Variants in CACNB4 observed in about 807,000 individuals in gnomAD.
CACNB4 encodes the protein voltage-dependent L-type calcium channel subunit beta-4.
In CACNB4, 32 loss-of-function variants were observed where a neutral mutation model predicts 71.2. The ratio of observed to expected loss-of-function variants is 0.45; its 90% CI spans 0.34 to 0.60. The LOEUF (loss-of-function observed/expected upper bound fraction) is 0.60. Among genes scored for constraint, CACNB4 ranks in the 20% least tolerant of loss-of-function variants. The pLI, the probability that CACNB4 is intolerant of heterozygous loss-of-function variation, is 0.01. For synonymous variants in CACNB4, 231 were observed against 236.9 expected, an observed-to-expected ratio of 0.97 and a Z score of 0.23; for missense variants, 464 against 647.9, an observed-to-expected ratio of 0.72 and a Z score of 3.08.
chr2:151,892,040 C>T (rs2099850834), intron 2 of CACNB4, among the ~76,000 whole-genome samples: 1 of 152,146 alleles, frequency 6.6e-6, no homozygotes, highest in Non-Finnish European at 1.5e-5. Context: ...TCAAGCTGCA[C>T]TAATCTAGTT....
intron 2 of CACNB4, among the ~76,000 whole-genome samples, chr2:152,059,988 A>G (rs1406238458): frequency 1.3e-5 from 2 of 152,110 alleles, no homozygotes; most frequent in East Asian, 1.9e-4. Context: ...CTCTCCTGCC[A>G]CCATGTGAAG....
chr2:151,875,861 C>G (rs2099846027), intron 5 of CACNB4, among the ~76,000 whole-genome samples: 1 of 144,982 alleles, frequency 6.9e-6, no homozygotes, highest in Non-Finnish European at 1.5e-5. Flanking sequence ...CCCCCCATCT[C>G]CCTCCCGGAC....
At chr2:152,073,244 C>T (rs1686798454) in intron 2 of CACNB4, among the ~76,000 whole-genome samples, 1 of 152,116 alleles carries the variant, frequency 6.6e-6, no homozygotes, top group Non-Finnish European at 1.5e-5. Flanking sequence ...ACTGAAACAT[C>T]TCAAATCCAG....
At chr2:151,922,126 G>C (rs1448180067) in intron 2 of CACNB4, among the ~76,000 whole-genome samples, 1 of 152,162 alleles carries the variant, frequency 6.6e-6, no homozygotes, top group Non-Finnish European at 1.5e-5. Flanking sequence ...AAGAACCCAA[G>C]TGATTACATA....
intron 2 of CACNB4, among the ~76,000 whole-genome samples, chr2:151,915,394 CAGCGTGTT>C (rs1203902981): frequency 6.6e-6 from 1 of 152,216 alleles, no homozygotes; most frequent in Non-Finnish European, 1.5e-5. Context: ...CCAGGGAGCT[CAGCGTGTT>C]AGGCAGTGCG....
chr2:152,044,929 T>C (rs1378330312), intron 2 of CACNB4, among the ~76,000 whole-genome samples: 1 of 151,996 alleles, frequency 6.6e-6, no homozygotes, highest in African/African-American at 2.4e-5. Context: ...CTAAACTGAA[T>C]TGAAGCAGGG....
rs368443159 is a variant in CACNB4, at chr2:151,946,469, A to G, written c.148-63099T>C. Among the ~76,000 whole-genome samples, 21 of 152,296 alleles carry G rather than the reference A, an allele frequency of 1.4e-4. No individual in the cohort carries two copies. In the South Asian group the frequency reaches 3.5e-3, roughly 26 times the overall value. ...ACCCTAAGGGGCCTCAAAATCCTAC[A>G]TTACTCACTCCACTAAAGGTTGTTA... is the stretch of plus-strand genomic sequence containing the variant. On this transcript the variant is annotated intron_variant, in intron 2 of 13. Transcript: ENST00000539935.
At chr2:151,840,966 T>G (rs1262763516) in intron 13 of CACNB4, among the ~76,000 whole-genome samples, 3 of 152,188 alleles carry the variant, frequency 2.0e-5, no homozygotes, top group African/African-American at 4.8e-5. Context: ...GTTCCCTATC[T>G]CTACCTCTGA....
At chr2:151,945,535 T>C (rs952710752) in intron 2 of CACNB4, among the ~76,000 whole-genome samples, 15 of 151,960 alleles carry the variant, frequency 9.9e-5, no homozygotes, top group African/African-American at 3.6e-4. Flanking sequence ...GCCATAGTCA[T>C]AGCTACTCAG....
chr2:151,922,149 ATAATCCTGTACAATC>A (rs2099859163), intron 2 of CACNB4, among the ~76,000 whole-genome samples: 1 of 152,180 alleles, frequency 6.6e-6, no homozygotes, highest in East Asian at 1.9e-4. Flanking sequence ...ACTCACTGGG[ATAATCCTGTACAATC>A]TCCCCATCTC....
intron 2 of CACNB4, among the ~76,000 whole-genome samples, chr2:152,035,891 A>G (rs1379390452): frequency 6.6e-6 from 1 of 152,206 alleles, no homozygotes; most frequent in East Asian, 1.9e-4. Flanking sequence ...TCACCGCAGC[A>G]TTATTCACAA....
chr2:151,875,342 G>A (rs2099845721), intron 5 of CACNB4, among the ~76,000 whole-genome samples: 1 of 148,662 alleles, frequency 6.7e-6, no homozygotes, highest in African/African-American at 2.5e-5. Context: ...TCCCAAGGCA[G>A]AAGAATTTTT....
chr2:151,973,775 A>G, intron 2 of CACNB4: 1 of 1,586,694 alleles, frequency 6.3e-7, no homozygotes, highest in Non-Finnish European at 8.6e-7. Context: ...CAGAAACCAC[A>G]GCTACAGCTT....
chr2:151,940,107 T>A (rs1036128550), intron 2 of CACNB4, among the ~76,000 whole-genome samples: 1 of 152,208 alleles, frequency 6.6e-6, no homozygotes, highest in Non-Finnish European at 1.5e-5. Flanking sequence ...AACATAAATA[T>A]ATGTGCACAA....
At chr2:152,068,401 C>T (rs1264218255) in intron 2 of CACNB4, among the ~76,000 whole-genome samples, 1 of 152,112 alleles carries the variant, frequency 6.6e-6, no homozygotes, top group Non-Finnish European at 1.5e-5. Context: ...AGTCAGGTCC[C>T]GGCACAGCCC....
At chr2:152,052,351 A>G (rs1260579126) in intron 2 of CACNB4, among the ~76,000 whole-genome samples, 2 of 152,172 alleles carry the variant, frequency 1.3e-5, no homozygotes, top group African/African-American at 4.8e-5. Context: ...CCTAGGCTGG[A>G]GTACAGTGGC....
At chr2:151,895,905 G>C (rs142919944) in intron 2 of CACNB4, among the ~76,000 whole-genome samples, 264 of 151,356 alleles carry the variant, frequency 1.7e-3, no homozygotes, top group African/African-American at 6.2e-3. Flanking sequence ...GCGCAAATGG[G>C]GCAATCTCAG....
chr2:151,993,620 A>G (rs1334843761), intron 2 of CACNB4, among the ~76,000 whole-genome samples: 1 of 147,062 alleles, frequency 6.8e-6, no homozygotes. Context: ...GCTGGAGTGC[A>G]GTAGCACAAT....
At chr2:151,982,434 C>G (rs372913340) in intron 2 of CACNB4, among the ~76,000 whole-genome samples, 48 of 152,098 alleles carry the variant, frequency 3.2e-4, no homozygotes, top group East Asian at 9.7e-4. Flanking sequence ...GAGATTTAGA[C>G]CATCCTGGCT....
Sources: gnomAD v4.1 joint callset for allele counts (sites outside exome capture counted in the v4.1 genomes callset) on GRCh38, gnomAD v4.1.1 for gene constraint, MANE v1.5 for transcripts, NCBI Gene and HGNC (gene_info 2026-07-23, HGNC 2026-07-21) for gene names.